Variants in ANO5 observed in about 807,000 individuals in gnomAD.
ANO5 encodes the protein anoctamin-5.
Under a neutral mutation model 121.0 loss-of-function variants are expected in ANO5, and 109 were observed. The observed-to-expected ratio is 0.90, with a 90% CI of 0.77 to 1.06. ANO5 has a LOEUF of 1.06. Ranked by LOEUF, ANO5 falls within the 50% of genes least tolerant of loss-of-function variation. The pLI, the probability that ANO5 is intolerant of heterozygous loss-of-function variation, is 0.00. For missense variants in ANO5, 1,064 were observed against 1,078.5 expected (o/e 0.99, Z 0.19); for synonymous variants, 406 against 359.9 (o/e 1.13, Z -1.45).
chr11:22,228,443 A>C (rs1041321159), intron 7 of ANO5, among the ~76,000 whole-genome samples: 1 of 152,078 alleles, frequency 6.6e-6, no homozygotes, highest in Non-Finnish European at 1.5e-5. Flanking sequence ...GTAATGAACA[A>C]ATTGGGATAA....
At chr11:22,243,264 C>A (rs1853492679) in intron 9 of ANO5, among the ~76,000 whole-genome samples, 1 of 152,010 alleles carries the variant, frequency 6.6e-6, no homozygotes. Flanking sequence ...AGGAATAATG[C>A]CAGTTTGATC....
In ANO5 at chr11:22,279,495, C is replaced by A. The variant is rs535337377; in HGVS notation, c.2521-49C>A. 7 of 1,462,652 alleles carry A rather than the reference C, an allele frequency of 4.8e-6. No individual in the cohort carries two copies. The East Asian group carries it at 9.1e-5, about 19-fold the overall frequency. 90.6% of individuals were successfully genotyped at this position (1,462,652 alleles called of 1,614,324 possible). A position where few individuals can be genotyped will look rare whatever the true frequency, so the allele number is the denominator to read the frequency against. ...TGATTTGTAAAGACTTTCTGCTGAG[C>A]ATGTGACACCTCTAACAGCGTCTAA... On this transcript the variant is annotated intron_variant, in intron 21 of 21. Transcript: ENST00000324559.
At position 22,220,964 on chromosome 11, in the gene ANO5, C is replaced by A. The variant is rs1228378441; in HGVS notation, c.181-133C>A. 17 of 670,208 alleles carry A rather than the reference C, an allele frequency of 2.5e-5. No individual in the cohort carries two copies. The Middle Eastern group carries it at 1.6e-3, about 65-fold the overall frequency. 41.5% of individuals were successfully genotyped at this position (670,208 alleles called of 1,614,324 possible). On this transcript the variant is annotated intron_variant, in intron 4 of 21. Coordinates refer to ENST00000324559, the MANE Select transcript of ANO5 (RefSeq NM_213599.3). ...TTATATGGAATTTCACTTTATAAAA[C>A]AAAGCATAATCTGTTGCTGAAAACT...
chr11:22,207,658 A>G (rs745340663), intron 2 of ANO5, among the ~76,000 whole-genome samples: 1 of 152,106 alleles, frequency 6.6e-6, no homozygotes, highest in Non-Finnish European at 1.5e-5. Context: ...AAACATTATT[A>G]ATGAAAAGCA....
intron 1 of ANO5, among the ~76,000 whole-genome samples, chr11:22,202,611 G>A (rs533825880): frequency 6.6e-6 from 1 of 152,212 alleles, no homozygotes; most frequent in East Asian, 1.9e-4. Context: ...GCTCATTAAT[G>A]CCATCTTCTT....
chr11:22,238,335 G>A (rs7942668), intron 8 of ANO5, among the ~76,000 whole-genome samples: 22,469 of 143,710 alleles, frequency 0.16, 4,918 homozygotes, highest in African/African-American at 0.49. Flanking sequence ...TAGGGCATTA[G>A]TTCTATTCTT....
intron 3 of ANO5, among the ~76,000 whole-genome samples, chr11:22,214,366 G>T (rs917085683): frequency 9.2e-5 from 14 of 151,922 alleles, no homozygotes; most frequent in East Asian, 1.9e-4. Context: ...GGGAAGTTTG[G>T]TTTTTTTTAA....
chr11:22,238,774 G>T (rs1853323247), intron 8 of ANO5, among the ~76,000 whole-genome samples: 1 of 151,432 alleles, frequency 6.6e-6, no homozygotes, highest in African/African-American at 2.4e-5. Context: ...TAAGTTTTAG[G>T]GTACATGTGC....
chr11:22,277,203 A>C (rs1854888120), intron 21 of ANO5, among the ~76,000 whole-genome samples: 1 of 151,596 alleles, frequency 6.6e-6, no homozygotes, highest in Non-Finnish European at 1.5e-5. Context: ...ACAGACAGAA[A>C]GAGAGAGGGG....
intron 9 of ANO5, among the ~76,000 whole-genome samples, chr11:22,245,266 A>G (rs1853579104): frequency 6.6e-6 from 1 of 152,152 alleles, no homozygotes; most frequent in Non-Finnish European, 1.5e-5. Context: ...TGGTGGGGTG[A>G]AAAGAGAGAT....
In ANO5 at chr11:22,281,725, G is replaced by A. The variant is rs1466417462; in HGVS notation, c.*1960G>A. On this transcript the variant is annotated 3_prime_UTR_variant, in exon 22 of 22. Coordinates refer to ENST00000324559, the MANE Select transcript of ANO5 (RefSeq NM_213599.3). ...TTAAGGCTTAAAAGTATTCATAGAGGTAGACTGTATGATAAATAAAAACAA... is the reference window on the plus strand; with the variant it reads ...TTAAGGCTTAAAAGTATTCATAGAGATAGACTGTATGATAAATAAAAACAA... 1 of 151,986 alleles carries A rather than the reference G, an allele frequency of 6.6e-6. No homozygotes were observed. The allele number at this position is 151,986 out of a possible 1,614,324, so 9.4% of individuals were successfully genotyped here. A position where few individuals can be genotyped will look rare whatever the true frequency, so the allele number is the denominator to read the frequency against.
At chr11:22,220,843 A>G (rs1257796820) in intron 4 of ANO5, among the ~76,000 whole-genome samples, 2 of 151,804 alleles carry the variant, frequency 1.3e-5, no homozygotes, top group African/African-American at 4.8e-5. Context: ...TTATACATAT[A>G]TTCATTTCAT....
chr11:22,199,941 A>T (rs992924140), intron 1 of ANO5, among the ~76,000 whole-genome samples: 4 of 152,118 alleles, frequency 2.6e-5, no homozygotes, highest in African/African-American at 9.6e-5. Flanking sequence ...ATGAACTTTT[A>T]TTTCACTGCT....
intron 17 of ANO5, among the ~76,000 whole-genome samples, chr11:22,268,440 A>G (rs959279992): frequency 2.0e-5 from 3 of 151,966 alleles, no homozygotes; most frequent in Non-Finnish European, 2.9e-5. Flanking sequence ...TCTTTTTAGA[A>G]TATATATGTT....
intron 17 of ANO5, among the ~76,000 whole-genome samples, chr11:22,268,079 A>G (rs1854436849): frequency 6.6e-6 from 1 of 152,160 alleles, no homozygotes; most frequent in African/African-American, 2.4e-5. Flanking sequence ...CTTAATTAAT[A>G]TAGCTTTCTA....
At chr11:22,223,271 G>A (rs548927801) in intron 5 of ANO5, among the ~76,000 whole-genome samples, 1 of 152,096 alleles carries the variant, frequency 6.6e-6, no homozygotes, top group Non-Finnish European at 1.5e-5. Flanking sequence ...AAAGCAAAAC[G>A]AGCAAGGGAA....
At chr11:22,234,862 GC>G (rs1853162304) in intron 7 of ANO5, among the ~76,000 whole-genome samples, 2 of 152,028 alleles carry the variant, frequency 1.3e-5, no homozygotes, top group Non-Finnish European at 2.9e-5. Flanking sequence ...ATCAGAACAA[GC>G]AGTTGACCTG....
At position 22,203,832 on chromosome 11, in the gene ANO5, C is replaced by A. The variant is rs762035813; in HGVS notation, c.69C>A (p.Tyr23Ter). The change falls in exon 2 of 22, where the codon TAC becomes TAA. Residue 23 changes from tyrosine to a stop codon, truncating the protein, a stop_gained. Transcript: ENST00000324559. LOFTEE classifies it high-confidence loss of function. ...EGEKVNKHID[Y>*]SFQMSEQSLS... ...AAAAAGTCAATAAGCATATAGACTA[C>A]TCTTTCCAAATGAGTGAGGTAAGTT... 7 of 1,476,494 alleles carry A rather than the reference C, an allele frequency of 4.7e-6. No homozygotes were observed. The highest frequency in any genetic ancestry group is 6.6e-6 in the Non-Finnish European group (7 of 1,061,332). The allele number at this position is 1,476,494 out of a possible 1,614,324, so 91.5% of individuals were successfully genotyped here. A position where few individuals can be genotyped will look rare whatever the true frequency, so the allele number is the denominator to read the frequency against.
chr11:22,253,832 T>C (rs1387012970), intron 12 of ANO5, among the ~76,000 whole-genome samples: 3 of 152,130 alleles, frequency 2.0e-5, no homozygotes, highest in Admixed American at 6.6e-5. Context: ...GGAGGAGTTA[T>C]ATGAGGTATC....
Sources: gnomAD v4.1 joint callset for allele counts (sites outside exome capture counted in the v4.1 genomes callset) on GRCh38, gnomAD v4.1.1 for gene constraint, MANE v1.5 for transcripts, NCBI Gene and HGNC (gene_info 2026-07-23, HGNC 2026-07-21) for gene names.